ATG7: variants seen among roughly 807,000 people sequenced by gnomAD.
ATG7 encodes the protein ubiquitin-like modifier-activating enzyme ATG7.
In ATG7, 70 loss-of-function variants were observed where a neutral mutation model predicts 82.4. The ratio of observed to expected loss-of-function variants is 0.85; its 90% CI spans 0.70 to 1.04. The LOEUF (loss-of-function observed/expected upper bound fraction) is 1.04, where lower values mean the gene tolerates loss of function less well. Ranked by LOEUF, ATG7 falls within the 50% of genes least tolerant of loss-of-function variation. ATG7 has a pLI of 0.00. For missense variants in ATG7, 792 were observed against 864.3 expected, an observed-to-expected ratio of 0.92 and a Z score of 1.05; for synonymous variants, 287 against 313.0, an observed-to-expected ratio of 0.92 and a Z score of 0.88.
At chr3:11,452,501 C>G (rs1051082466) in intron 20 of ATG7, among the ~76,000 whole-genome samples, 1 of 150,964 alleles carries the variant, frequency 6.6e-6, no homozygotes, top group East Asian at 1.9e-4. Context: ...ATTCATGCTA[C>G]GTGAATTATA....
At chr3:11,516,359 A>T (rs182019211) in intron 20 of ATG7, among the ~76,000 whole-genome samples, 2 of 152,302 alleles carry the variant, frequency 1.3e-5, no homozygotes, top group East Asian at 1.9e-4. Context: ...AAAAAAAAAA[A>T]GATGTTCCAC....
chr3:11,439,923 C>T (rs2083722787), intron 20 of ATG7, among the ~76,000 whole-genome samples: 1 of 152,118 alleles, frequency 6.6e-6, no homozygotes, highest in East Asian at 1.9e-4. Context: ...ACTATTATCC[C>T]ATTTTATGGA....
intron 12 of ATG7, 29 bp downstream of exon 12, chr3:11,340,764 C>A: frequency 1.3e-6 from 2 of 1,599,044 alleles, no homozygotes; most frequent in South Asian, 2.2e-5. Flanking sequence ...TTTCTCCAGT[C>A]GGGCTTTTTG....
intron 20 of ATG7, among the ~76,000 whole-genome samples, chr3:11,428,327 A>G (rs2152946446): frequency 6.6e-6 from 1 of 152,342 alleles, no homozygotes; most frequent in East Asian, 1.9e-4. Flanking sequence ...AGGTGGAGCT[A>G]GTGCTGAGTA....
At chr3:11,420,459 CAA>C (rs1268961945) in intron 19 of ATG7, among the ~76,000 whole-genome samples, 1 of 152,076 alleles carries the variant, frequency 6.6e-6, no homozygotes, top group Non-Finnish European at 1.5e-5. Context: ...TGGAGTCTAA[CAA>C]AGTATCATGT....
At chr3:11,538,973 A>G (rs1221719836) in intron 20 of ATG7, among the ~76,000 whole-genome samples, 1 of 152,186 alleles carries the variant, frequency 6.6e-6, no homozygotes, top group African/African-American at 2.4e-5. Flanking sequence ...GGAAGAGAGC[A>G]TGGAGAAGGG....
chr3:11,275,235 G>C (rs754440245), intron 1 of ATG7, among the ~76,000 whole-genome samples: 5 of 152,086 alleles, frequency 3.3e-5, no homozygotes, highest in African/African-American at 4.8e-5. Flanking sequence ...TCTTTGACTA[G>C]TGTCTCTAAT....
At chr3:11,311,996 G>T (rs542699299) in intron 7 of ATG7, among the ~76,000 whole-genome samples, 1 of 151,454 alleles carries the variant, frequency 6.6e-6, no homozygotes, top group African/African-American at 2.4e-5. Context: ...AAATAGATTA[G>T]TGGTTGCCAG....
At chr3:11,390,269 A>AT (rs1171945719) in intron 19 of ATG7, among the ~76,000 whole-genome samples, 2 of 152,230 alleles carry the variant, frequency 1.3e-5, no homozygotes, top group East Asian at 1.9e-4. Context: ...AGGCACACAG[A>AT]TTTTTTAAAA....
intron 19 of ATG7, among the ~76,000 whole-genome samples, chr3:11,412,897 A>T (rs2081042668): frequency 6.6e-6 from 1 of 151,944 alleles, no homozygotes; most frequent in Admixed American, 6.6e-5. Flanking sequence ...TATAATTTTT[A>T]TTGTATAAGT....
chr3:11,443,505 T>A (rs2084201019), intron 20 of ATG7, among the ~76,000 whole-genome samples: 1 of 152,112 alleles, frequency 6.6e-6, no homozygotes, highest in Non-Finnish European at 1.5e-5. Flanking sequence ...CCCAACCTCA[T>A]CCTCCTGAGT....
chr3:11,480,335 C>T (rs2088794300), intron 20 of ATG7, among the ~76,000 whole-genome samples: 2 of 152,144 alleles, frequency 1.3e-5, no homozygotes, highest in African/African-American at 4.8e-5. Flanking sequence ...AGAAGGAGTT[C>T]AAGACCAGCT....
intron 20 of ATG7, among the ~76,000 whole-genome samples, chr3:11,514,763 T>C (rs940292120): frequency 4.6e-5 from 7 of 151,724 alleles, no homozygotes; most frequent in Non-Finnish European, 8.8e-5. Context: ...AGCACAGTGC[T>C]AACCACAAGG....
In ATG7 at chr3:11,433,424, A is replaced by G. The variant is rs557734926; in HGVS notation, c.2079+6498A>G. 2.6e-5 allele frequency among the ~76,000 whole-genome samples: 4 copies of G among 151,894 alleles called. No individual in the cohort carries two copies. The East Asian group carries it at 7.7e-4, about 29-fold the overall frequency. ...CCTTCTTAGAGTTATTTCTCATCCTATGAGTAGAATAAGTATCAGTTCACA... is the reference window on the plus strand; with the variant it reads ...CCTTCTTAGAGTTATTTCTCATCCTGTGAGTAGAATAAGTATCAGTTCACA... On this transcript the variant is annotated intron_variant, in intron 20 of 20. Coordinates refer to ENST00000693202, the MANE Select transcript of ATG7 (RefSeq NM_001349232.2).
chr3:11,534,783 G>A (rs747270639), intron 20 of ATG7, among the ~76,000 whole-genome samples: 5 of 152,176 alleles, frequency 3.3e-5, no homozygotes, highest in Non-Finnish European at 5.9e-5. Flanking sequence ...TGTCTGCCTC[G>A]AGGCACCTGG....
intron 19 of ATG7, among the ~76,000 whole-genome samples, chr3:11,424,092 C>T (rs1034959624): frequency 6.6e-6 from 1 of 152,014 alleles, no homozygotes; most frequent in African/African-American, 2.4e-5. Context: ...AGCTCCCCTG[C>T]CTCCCGTCGC....
chr3:11,377,335 G>C (rs1044057465), intron 18 of ATG7, among the ~76,000 whole-genome samples: 1 of 152,206 alleles, frequency 6.6e-6, no homozygotes, highest in Non-Finnish European at 1.5e-5. Context: ...AAATAAATCT[G>C]TTTCCTAGTA....
At position 11,362,821 on chromosome 3, in the gene ATG7, AGACCGGACCTTG is replaced by A. The variant is rs1293857481; in HGVS notation, c.1697_1708del (p.Arg566_Asp569del). ...TGATTGTTTCTTTGCAGTCAACCAG[AGACCGGACCTTG>A]GACCAGCAGTGCACTGTGAGTCGTC... On this transcript the variant is annotated inframe_deletion, in exon 17 of 21. Transcript: ENST00000693202. 6.2e-7 allele frequency: 1 copy of A among 1,614,016 alleles called. No homozygotes were observed. Among genetic ancestry groups the A allele is most frequent in the Non-Finnish European group, 8.5e-7 (1 of 1,179,926 alleles).
chr3:11,313,115 T>C (rs970333355), intron 7 of ATG7, among the ~76,000 whole-genome samples, 189 bp from the exon 8 acceptor site: 2 of 152,200 alleles, frequency 1.3e-5, no homozygotes, highest in South Asian at 2.1e-4. Context: ...TATGAGACTA[T>C]TTTGGGAATA....
Sources: allele counts gnomAD v4.1 joint callset (sites outside exome capture counted in the v4.1 genomes callset), GRCh38; gene constraint gnomAD v4.1.1; transcripts MANE v1.5; gene names NCBI Gene and HGNC (gene_info 2026-07-23, HGNC 2026-07-21).